SHE: variants seen among roughly 807,000 people sequenced by gnomAD.
The protein encoded by SHE is SH2 domain-containing adapter protein E.
Under a neutral mutation model 49.8 loss-of-function variants are expected in SHE, and 11 were observed. That is an observed-to-expected ratio of 0.22 (90% CI 0.14 to 0.37). SHE has a LOEUF of 0.37. Among genes scored for constraint, SHE ranks in the 10% least tolerant of loss-of-function variants. SHE has a pLI of 1.00. For missense variants in SHE, 624 were observed against 655.5 expected (o/e 0.95, Z 0.52); for synonymous variants, 310 against 278.1 (o/e 1.11, Z -1.14).
intron 2 of SHE, among the ~76,000 whole-genome samples, chr1:154,491,802 T>C (rs1692375132): frequency 6.6e-6 from 1 of 152,136 alleles, no homozygotes; most frequent in African/African-American, 2.4e-5. Flanking sequence ...TTGTGAATAC[T>C]GTGAGAATGA....
chr1:154,487,469 A>G (rs531894927), intron 3 of SHE, among the ~76,000 whole-genome samples: 62 of 152,250 alleles, frequency 4.1e-4, no homozygotes, highest in African/African-American at 1.4e-3. Flanking sequence ...ACGAGATGCC[A>G]TGACACCTAG....
In SHE at chr1:154,499,177, T is replaced by A; in HGVS notation, c.653A>T (p.Asp218Val). 6.2e-7 allele frequency: 1 copy of A among 1,614,190 alleles called. No individual in the cohort carries two copies. Among genetic ancestry groups the A allele is most frequent in the South Asian group, 1.1e-5 (1 of 91,084 alleles). ...GTCGTTCTCTCCGACTCTCTCTGCA[T>A]CCCTTTGACCCTTTGTCCGTTTGGC... Reference protein sequence around the residue: ...YDAKRTKGQRDAERVGENDGY... With the variant: ...YDAKRTKGQRVAERVGENDGY... Residue 218 changes from aspartate (D) to valine (V), a missense_variant, in exon 2 of 6, where the codon GAT (aspartate) becomes GTT (valine). Coordinates refer to ENST00000304760, the MANE Select transcript of SHE (RefSeq NM_001010846.3).
Position 154,486,078 on chromosome 1 carries a change from G to T in SHE, c.1182-16C>A. 6.2e-7 allele frequency: 1 copy of T among 1,608,072 alleles called. No individual in the cohort carries two copies. The highest frequency in any genetic ancestry group is 1.1e-5 in the South Asian group (1 of 90,972). ...ATGATACCAGCTGAAAAATGGGGGTGGAAGAGGGGAAAGCACCATGAGTGT... is the reference window on the plus strand; with the variant it reads ...ATGATACCAGCTGAAAAATGGGGGTTGAAGAGGGGAAAGCACCATGAGTGT... On this transcript the variant is annotated splice_polypyrimidine_tract_variant and intron_variant, in intron 4 of 5. Transcript: ENST00000304760.
rs1374679599 is a variant in SHE, at chr1:154,484,339, G to C, written c.1302-4C>G. Reference sequence around the variant, plus strand: ...GTGGACACATCCTTGACTAGTCCTGGAATGAAAATCAAGGAGGAGACATGA... The same window carrying C: ...GTGGACACATCCTTGACTAGTCCTGCAATGAAAATCAAGGAGGAGACATGA... On this transcript the variant is annotated splice_polypyrimidine_tract_variant and splice_region_variant and intron_variant, in intron 5 of 5. Transcript: ENST00000304760. 1.2e-6 allele frequency: 2 copies of C among 1,604,086 alleles called. No individual in the cohort carries two copies.
intron 2 of SHE, among the ~76,000 whole-genome samples, chr1:154,492,916 G>T (rs1187660213): frequency 6.6e-6 from 1 of 152,188 alleles, no homozygotes; most frequent in Non-Finnish European, 1.5e-5. Context: ...AAGGAGCCCT[G>T]CTCACAAGGA....
intron 4 of SHE, 35 bp downstream of exon 4, chr1:154,486,492 G>C (rs767650176): frequency 6.2e-7 from 1 of 1,609,594 alleles, no homozygotes. Context: ...GCTCCCAGCT[G>C]TTGTCTGTTA....
At position 154,484,302 on chromosome 1, in the gene SHE, A is replaced by T. The variant is rs1692104984; in HGVS notation, c.1335T>A (p.Ala445=). Residue 445 remains alanine, a synonymous_variant, in exon 6 of 6, where the codon GCT becomes GCA. Coordinates refer to ENST00000304760, the MANE Select transcript of SHE (RefSeq NM_001010846.3). ...GTGTGTATTTGTTGTCTTTGGTCTG[A>T]GCCACTATGATGTGGACACATCCTT... The part of the protein sequence containing the change: ...TSQGCVHIIV[A]QTKDNKYTLN... 6 of 1,614,222 alleles carry T rather than the reference A, an allele frequency of 3.7e-6. No individual in the cohort carries two copies. Among genetic ancestry groups the T allele is most frequent in the Non-Finnish European group, 5.1e-6 (6 of 1,180,040 alleles).
At position 154,483,305 on chromosome 1, in the gene SHE, G is replaced by C. The variant is rs192030696; in HGVS notation, c.*844C>G. ...TCCTTAGGCCACACTCTGAAGTTGC[G>C]GATTTCCATGAACTCCAGAGCTGAA... On this transcript the variant is annotated 3_prime_UTR_variant, in exon 6 of 6. Coordinates refer to ENST00000304760, the MANE Select transcript of SHE (RefSeq NM_001010846.3). The C allele has an allele frequency of 1.0e-6, 1 of 985,250 alleles. No individual in the cohort carries two copies. Among genetic ancestry groups the C allele is most frequent in the Admixed American group, 6.2e-5 (1 of 16,248 alleles). The allele number at this position is 985,250 out of a possible 1,614,324, so 61.0% of individuals were successfully genotyped here. A position where few individuals can be genotyped will look rare whatever the true frequency, so the allele number is the denominator to read the frequency against.
rs1044139856 is a variant in SHE at position 154,482,463 on chromosome 1, T to C, written c.*1686A>G. On this transcript the variant is annotated 3_prime_UTR_variant, in exon 6 of 6. Coordinates refer to ENST00000304760, the MANE Select transcript of SHE (RefSeq NM_001010846.3). ...AACCTCTAAATCTTACAGTCAAATG[T>C]AACTAGTAACTACAAAGGTATACTT... is the stretch of plus-strand genomic sequence containing the variant. The C allele has an allele frequency of 7.1e-6, 7 of 985,306 alleles. No individual in the cohort carries two copies. Among genetic ancestry groups the C allele is most frequent in the Non-Finnish European group, 8.4e-6 (7 of 829,820 alleles). The allele number at this position is 985,306 out of a possible 1,614,324, so 61.0% of individuals were successfully genotyped here. A position where few individuals can be genotyped will look rare whatever the true frequency, so the allele number is the denominator to read the frequency against.
chr1:154,489,145 T>C lies in SHE; in HGVS notation c.930A>G (p.Pro310=), dbSNP rs764789848. The C allele has an allele frequency of 6.2e-7, 1 of 1,614,036 alleles. No homozygotes were observed. Among genetic ancestry groups the C allele is most frequent in the Non-Finnish European group, 8.5e-7 (1 of 1,179,960 alleles). Residue 310 remains proline (P), a synonymous_variant, in exon 3 of 6, where the codon CCA becomes CCG. Coordinates refer to ENST00000304760, the MANE Select transcript of SHE (RefSeq NM_001010846.3). The part of the protein sequence containing the change: ...GPRAEGKARP[P]DSRLPENDER... ...CGTCGTTCTCGGGCAGCCGGCTGTC[T>C]GGGGGCCGCGCCTTCCCCTCTGCCC...
At chr1:154,489,387 C>G in intron 2 of SHE, 31 bp from the exon 3 acceptor site, 3 of 1,593,914 alleles carry the variant, frequency 1.9e-6, no homozygotes, top group Non-Finnish European at 2.6e-6. Flanking sequence ...CTGAAAAACA[C>G]ACACCATACA....
chr1:154,476,959 G>A (rs547199097), downstream of SHE, among the ~76,000 whole-genome samples: 33 of 152,236 alleles, frequency 2.2e-4, no homozygotes, highest in African/African-American at 7.7e-4. Flanking sequence ...TTCACAAAGG[G>A]GAAGTAATTC....
intron 1 of SHE, among the ~76,000 whole-genome samples, chr1:154,470,836 T>A (rs1239804745): frequency 6.7e-6 from 1 of 149,624 alleles, no homozygotes; most frequent in Non-Finnish European, 1.5e-5. Flanking sequence ...CCAGACTCTG[T>A]CTCAAAAATA....
chr1:154,486,026 C>G lies in SHE; in HGVS notation c.1218G>C (p.Glu406Asp). 1.9e-6 allele frequency: 3 copies of G among 1,614,044 alleles called. No individual in the cohort carries two copies. In the African/African-American group the frequency reaches 4.0e-5, roughly 22 times the overall value. Residue 406 changes from glutamate (E) to aspartate (D), a missense_variant, in exon 5 of 6, where the codon GAG (glutamate) becomes GAC (aspartate). Physicochemically the swap from Glu to Asp is conservative, Grantham distance 45 (BLOSUM62 2). Coordinates refer to ENST00000304760, the MANE Select transcript of SHE (RefSeq NM_001010846.3). ...CTTCTTTGCAGGGCTGTAGTCGACT[C>G]TCAGCCTCAGCACGGCTGATGGCAC... ...YHGAISRAEA[E>D]SRLQPCKEAG...
In SHE at chr1:154,501,847, G is replaced by T; in HGVS notation, c.180C>A (p.Gly60=). The T allele has an allele frequency of 6.5e-7, 1 of 1,540,148 alleles. No homozygotes were observed. Among genetic ancestry groups the T allele is most frequent in the Non-Finnish European group, 8.7e-7 (1 of 1,149,936 alleles). ...AGTTCTTGCGCAATTTGCCGCCGCC[G>T]CCCCCGGGCTTGGCCCGCTCCGACA... ...KTVSERAKPG[G]GGGKLRKNSE... is the part of the protein sequence containing the mutation. Residue 60 remains glycine, a synonymous_variant, in exon 1 of 6, where the codon GGC becomes GGA. Coordinates refer to ENST00000304760, the MANE Select transcript of SHE (RefSeq NM_001010846.3).
In SHE at chr1:154,482,239, C is replaced by T. The variant is rs925307381; in HGVS notation, c.*1910G>A. The stretch of plus-strand genomic sequence containing the variant: ...ATGTTGGCCAGGCTGGTCTCAAACT[C>T]CTGACCTCACGTGATCTGCCTGCCT... On this transcript the variant is annotated 3_prime_UTR_variant, in exon 6 of 6. Transcript: ENST00000304760. 1.3e-5 allele frequency: 10 copies of T among 799,734 alleles called. No individual in the cohort carries two copies. The African/African-American group carries it at 1.7e-4, about 13-fold the overall frequency. 49.5% of individuals were successfully genotyped at this position (799,734 alleles called of 1,614,324 possible).
At position 154,479,504 on chromosome 1, in the gene SHE, A is replaced by C. The variant is rs1211713838; in HGVS notation, c.*4645T>G. The C allele has an allele frequency of 1.0e-6, 1 of 985,088 alleles. No homozygotes were observed. The highest frequency in any genetic ancestry group is 1.2e-6 in the Non-Finnish European group (1 of 829,696). The allele number at this position is 985,088 out of a possible 1,614,324, so 61.0% of individuals were successfully genotyped here. ...AGTTTTCTTGGAATAATGTTTATTT[A>C]AAGTTACATTTCAGAGGAAACTATC... On this transcript the variant is annotated 3_prime_UTR_variant, in exon 6 of 6. Coordinates refer to ENST00000304760, the MANE Select transcript of SHE (RefSeq NM_001010846.3).
intron 1 of SHE, among the ~76,000 whole-genome samples, chr1:154,472,795 C>T (rs892867866): frequency 1.3e-5 from 2 of 152,164 alleles, no homozygotes; most frequent in Non-Finnish European, 2.9e-5. Flanking sequence ...AGCAGTACAC[C>T]AACTGGCCTT....
chr1:154,490,705 T>A (rs578238223), intron 2 of SHE, among the ~76,000 whole-genome samples: 1 of 152,030 alleles, frequency 6.6e-6, no homozygotes, highest in East Asian at 1.9e-4. Flanking sequence ...GCTGGAAGCA[T>A]AGGCAAGCCA....
Sources: gnomAD v4.1 joint callset for allele counts (sites outside exome capture counted in the v4.1 genomes callset) on GRCh38, gnomAD v4.1.1 for gene constraint, MANE v1.5 for transcripts, NCBI Gene and HGNC (gene_info 2026-07-23, HGNC 2026-07-21) for gene names.